The following ERCC8 variants were observed in gnomAD, a reference collection of about 807,000 sequenced individuals.
The protein encoded by ERCC8 is ERCC excision repair 8, CSA ubiquitin ligase complex subunit, also known as DNA excision repair protein ERCC-8.
In ERCC8, 52 loss-of-function variants were observed where a neutral mutation model predicts 54.9. That is an observed-to-expected ratio of 0.95 (90% CI 0.76 to 1.19). The LOEUF (loss-of-function observed/expected upper bound fraction) is 1.19. ERCC8 is among the 50% of genes most tolerant of loss of function. ERCC8 has a pLI of 0.00. For synonymous variants in ERCC8, 146 were observed against 157.2 expected (o/e 0.93, Z 0.53); for missense variants, 514 against 466.1 (o/e 1.10, Z -0.95).
At chr5:60,921,179 A>G (rs1749590225) in intron 3 of ERCC8, among the ~76,000 whole-genome samples, 1 of 152,106 alleles carries the variant, frequency 6.6e-6, no homozygotes, top group South Asian at 2.1e-4. Context: ...AGCTGAGATT[A>G]ACTGATTTTC....
intron 4 of ERCC8, among the ~76,000 whole-genome samples, chr5:60,915,619 G>A (rs186066384): frequency 3.9e-4 from 59 of 152,100 alleles, no homozygotes; most frequent in Middle Eastern, 6.8e-3. Flanking sequence ...GGCTCTAGGA[G>A]AGAATACTTT....
At chr5:60,876,235 T>C (rs1196333665) in intron 11 of ERCC8, among the ~76,000 whole-genome samples, 1 of 152,216 alleles carries the variant, frequency 6.6e-6, no homozygotes, top group Non-Finnish European at 1.5e-5. Flanking sequence ...CTGCATAGTA[T>C]TCCATGGTAT....
In ERCC8 at chr5:60,871,150, A is replaced by T. The variant is rs960203387; in HGVS notation, c.*3465T>A. On this transcript the variant is annotated 3_prime_UTR_variant, in exon 12 of 12. Transcript: ENST00000676185. ...TGATATTCAACAACTAAATTGTACAAATTGTACACCAAAATATACCAAGAA... is the reference window on the plus strand; with the variant it reads ...TGATATTCAACAACTAAATTGTACATATTGTACACCAAAATATACCAAGAA... Among the ~76,000 whole-genome samples the T allele has an allele frequency of 6.6e-6, 1 of 152,226 alleles. No homozygotes were observed. Among genetic ancestry groups the T allele is most frequent in the African/African-American group, 2.4e-5 (1 of 41,456 alleles).
At chr5:60,920,610 G>A (rs939020702) in intron 3 of ERCC8, among the ~76,000 whole-genome samples, 1 of 151,812 alleles carries the variant, frequency 6.6e-6, no homozygotes, top group African/African-American at 2.4e-5. Flanking sequence ...AAATTGGATT[G>A]TAAATCCTTC....
chr5:60,886,680 C>T (rs950139702), intron 11 of ERCC8, among the ~76,000 whole-genome samples: 10 of 142,878 alleles, frequency 7.0e-5, no homozygotes, highest in South Asian at 2.1e-4. Flanking sequence ...CCAGCCTGGG[C>T]GACAGATTGA....
intron 1 of ERCC8, among the ~76,000 whole-genome samples, chr5:60,933,015 A>T (rs960532108): frequency 3.3e-5 from 5 of 152,096 alleles, no homozygotes; most frequent in Non-Finnish European, 5.9e-5. Context: ...GCTAGCATTC[A>T]CTTGGCTTAG....
intron 4 of ERCC8, among the ~76,000 whole-genome samples, chr5:60,906,138 T>A (rs1368668300): frequency 6.6e-6 from 1 of 152,186 alleles, no homozygotes; most frequent in African/African-American, 2.4e-5. Context: ...TCCGGAATAA[T>A]GGCTGGCAAT....
intron 3 of ERCC8, among the ~76,000 whole-genome samples, chr5:60,920,632 ATGT>A (rs936896023): frequency 3.3e-4 from 50 of 151,938 alleles, no homozygotes; most frequent in Admixed American, 3.0e-3. Flanking sequence ...GATGTATAAA[ATGT>A]TATTATAACT....
intron 2 of ERCC8, among the ~76,000 whole-genome samples, chr5:60,927,682 C>T (rs982419513): frequency 6.6e-6 from 1 of 152,152 alleles, no homozygotes; most frequent in Non-Finnish European, 1.5e-5. Flanking sequence ...GACCAGCATC[C>T]AAACCCAAAA....
rs10550173 is a variant in ERCC8 at position 60,882,970 on chromosome 5, A to AACACACACACACAC, written c.1122+4456_1122+4469dup. 2.6e-3 allele frequency among the ~76,000 whole-genome samples: 381 copies of AACACACACACACAC among 144,814 alleles called. 1 individual carries two copies. The highest frequency in any genetic ancestry group is 9.2e-3 in the African/African-American group (361 of 39,144). ...TAACTACCAAAAATAGCCCTGGGAA[A>AACACACACACACAC]ACACACACACACACACACACACACA... On this transcript the variant is annotated intron_variant, in intron 11 of 11. Coordinates refer to ENST00000676185, the MANE Select transcript of ERCC8 (RefSeq NM_000082.4).
chr5:60,933,108 T>C (rs1158484199), intron 1 of ERCC8, among the ~76,000 whole-genome samples: 1 of 152,156 alleles, frequency 6.6e-6, no homozygotes, highest in Non-Finnish European at 1.5e-5. Context: ...AAATTTCCTA[T>C]TTAATTTCAG....
intron 11 of ERCC8, among the ~76,000 whole-genome samples, chr5:60,878,960 TA>T (rs1452207429): frequency 6.6e-6 from 1 of 152,216 alleles, no homozygotes; most frequent in Non-Finnish European, 1.5e-5. Context: ...ATTGTGATGT[TA>T]GGGTGTCCAT....
intron 4 of ERCC8, among the ~76,000 whole-genome samples, chr5:60,905,994 T>C (rs753481128): frequency 2.0e-5 from 3 of 152,140 alleles, no homozygotes; most frequent in Non-Finnish European, 4.4e-5. Context: ...ACAGGGGCAG[T>C]TGGCAGGTCC....
intron 1 of ERCC8, among the ~76,000 whole-genome samples, chr5:60,935,734 G>T (rs1406204440): frequency 6.6e-6 from 1 of 151,674 alleles, no homozygotes; most frequent in Non-Finnish European, 1.5e-5. Context: ...TTTGCTGAGG[G>T]TTTTAATCAT....
Position 60,918,286 on chromosome 5 carries a change from T to C in ERCC8, c.378A>G (p.Val126=), listed in dbSNP as rs760463251. The C allele has an allele frequency of 5.1e-5, 82 of 1,599,264 alleles. No individual in the cohort carries two copies. Among genetic ancestry groups the C allele is most frequent in the Non-Finnish European group, 6.9e-5 (80 of 1,167,142 alleles). Residue 126 remains valine, a synonymous_variant, in exon 4 of 12, where the codon GTA becomes GTG. Coordinates refer to ENST00000676185, the MANE Select transcript of ERCC8 (RefSeq NM_000082.4). ...TTACTTGTAATGTATTTGTATCCCA[T>C]ACTTTCAGAGTTTTATCAAATGAGC... The part of the protein sequence containing the change: ...TSSSFDKTLK[V]WDTNTLQTAD...
intron 1 of ERCC8, among the ~76,000 whole-genome samples, chr5:60,933,011 A>T (rs1033765623): frequency 2.6e-5 from 4 of 152,252 alleles, no homozygotes; most frequent in Non-Finnish European, 2.9e-5. Context: ...AATAGCTAGC[A>T]TTCACTTGGC....
chr5:60,899,837 ATGT>A, intron 7 of ERCC8, 110 bp from the exon 8 acceptor site: 9 of 784,350 alleles, frequency 1.1e-5, no homozygotes, highest in Non-Finnish European at 2.0e-5. Flanking sequence ...ATAGGTACAT[ATGT>A]ATTCATACAT....
chr5:60,938,048 CATATATATATATATAT>C (rs1170248858), intron 1 of ERCC8, among the ~76,000 whole-genome samples: 16 of 23,396 alleles, frequency 6.8e-4, no homozygotes, highest in African/African-American at 1.4e-3. Flanking sequence ...TACATACATA[CATATATATATATATAT>C]ATATATATAT....
At chr5:60,887,896 G>A (rs1315118994) in intron 10 of ERCC8, among the ~76,000 whole-genome samples, 3 of 152,158 alleles carry the variant, frequency 2.0e-5, no homozygotes, top group African/African-American at 4.8e-5. Context: ...AACCATATGA[G>A]CGTCTACTAA....
Sources: gnomAD v4.1 joint callset for allele counts (sites outside exome capture counted in the v4.1 genomes callset) on GRCh38, gnomAD v4.1.1 for gene constraint, MANE v1.5 for transcripts, NCBI Gene and HGNC (gene_info 2026-07-23, HGNC 2026-07-21) for gene names.